The following ARHGEF3 variants were observed in gnomAD, a reference collection of about 807,000 sequenced individuals.
ARHGEF3 encodes Rho guanine nucleotide exchange factor 3, also known as 59.8 kDA protein.
A neutral mutation model predicts 63.2 loss-of-function variants in ARHGEF3; 28 were observed. The observed-to-expected ratio is 0.44, with a 90% CI of 0.33 to 0.61. ARHGEF3 has a LOEUF of 0.61. Ranked by LOEUF, ARHGEF3 falls within the 20% of genes least tolerant of loss-of-function variation. The probability of loss-of-function intolerance (pLI) is 0.03; values close to 1 mark genes in which losing one functional copy is unlikely to be tolerated. For synonymous variants in ARHGEF3, 266 were observed against 254.2 expected, an observed-to-expected ratio of 1.05 and a Z score of -0.44; for missense variants, 533 against 659.3, an observed-to-expected ratio of 0.81 and a Z score of 2.10.
chr3:57,032,334 C>G lies in ARHGEF3; in HGVS notation c.62+2754G>C, dbSNP rs548329024. ...AAGCCATCACTTTCAACTCTGCTCT[C>G]CCCTGGAAATACCACAGATTCTGAA... On this transcript the variant is annotated intron_variant, in intron 2 of 12. Coordinates refer to the ARHGEF3 transcript ENST00000338458. Among the ~76,000 whole-genome samples the G allele has an allele frequency of 3.3e-5, 5 of 152,322 alleles. No individual in the cohort carries two copies. The East Asian group carries it at 9.6e-4, about 29-fold the overall frequency.
intron 2 of ARHGEF3, among the ~76,000 whole-genome samples, chr3:57,006,676 G>C (rs561319060): frequency 6.6e-6 from 1 of 152,126 alleles, no homozygotes; most frequent in African/African-American, 2.4e-5. Flanking sequence ...GAAAATGCTC[G>C]TGTATCAGTG....
chr3:56,766,271 A>G (rs2035697627), intron 2 of ARHGEF3, among the ~76,000 whole-genome samples: 1 of 152,218 alleles, frequency 6.6e-6, no homozygotes, highest in African/African-American at 2.4e-5. Flanking sequence ...CTAATTTATC[A>G]TATGTTCATG....
At chr3:56,770,864 C>T (rs1304476893) in intron 2 of ARHGEF3, among the ~76,000 whole-genome samples, 1 of 152,036 alleles carries the variant, frequency 6.6e-6, no homozygotes, top group Non-Finnish European at 1.5e-5. Flanking sequence ...ACTTATTTTG[C>T]ACTTTGGGAG....
At chr3:56,744,344 C>T (rs981173895) in intron 7 of ARHGEF3, among the ~76,000 whole-genome samples, 1 of 151,832 alleles carries the variant, frequency 6.6e-6, no homozygotes, top group African/African-American at 2.4e-5. Flanking sequence ...TCTTCTATTG[C>T]TGCTAGGGAA....
intron 2 of ARHGEF3, among the ~76,000 whole-genome samples, chr3:56,967,924 T>A (rs1700655310): frequency 1.4e-5 from 1 of 71,364 alleles, no homozygotes; most frequent in South Asian, 4.3e-4. Flanking sequence ...TAATATATTA[T>A]ATATAATATA....
chr3:56,802,536 AT>A (rs1302094203), upstream of ARHGEF3, among the ~76,000 whole-genome samples: 1 of 152,130 alleles, frequency 6.6e-6, no homozygotes, highest in East Asian at 1.9e-4. Context: ...AAACACCCGT[AT>A]AACCACCTCC....
At chr3:56,945,439 G>A (rs575800313) in intron 3 of ARHGEF3, among the ~76,000 whole-genome samples, 37 of 152,292 alleles carry the variant, frequency 2.4e-4, no homozygotes, top group African/African-American at 7.2e-4. Context: ...CTTTTCCAAC[G>A]GTCTTAGCAA....
chr3:56,777,837 T>C (rs1174338458), intron 1 of ARHGEF3, among the ~76,000 whole-genome samples: 2 of 152,144 alleles, frequency 1.3e-5, no homozygotes, highest in Admixed American at 1.3e-4. Flanking sequence ...GGCTGCTGCA[T>C]TGCAGGGCAG....
chr3:56,885,514 G>C (rs1237933836), intron 3 of ARHGEF3, among the ~76,000 whole-genome samples: 1 of 152,072 alleles, frequency 6.6e-6, no homozygotes, highest in East Asian at 1.9e-4. Context: ...TTGTCAACCT[G>C]ACATGTTGAC....
chr3:56,950,994 C>A (rs1308319014), intron 3 of ARHGEF3, among the ~76,000 whole-genome samples: 1 of 151,876 alleles, frequency 6.6e-6, no homozygotes, highest in Non-Finnish European at 1.5e-5. Flanking sequence ...ATGGATGAAG[C>A]TGGAAACCAT....
intron 6 of ARHGEF3, among the ~76,000 whole-genome samples, chr3:56,750,491 G>A (rs1395309898): frequency 6.6e-5 from 10 of 152,104 alleles, no homozygotes; most frequent in Non-Finnish European, 1.3e-4. Context: ...TGGTATATAT[G>A]CTAAACATTA....
chr3:56,959,711 C>T (rs1700196638), intron 2 of ARHGEF3, among the ~76,000 whole-genome samples: 1 of 152,170 alleles, frequency 6.6e-6, no homozygotes, highest in Non-Finnish European at 1.5e-5. Context: ...GGTGCGGTGG[C>T]TCACGTCTGT....
At chr3:57,073,650 C>G (rs768586626) in intron 1 of ARHGEF3, 3 of 1,571,850 alleles carry the variant, frequency 1.9e-6, no homozygotes. Context: ...CGGCCAAGTG[C>G]CCCAGCCTCC....
chr3:56,900,077 T>C (rs1385358591), intron 3 of ARHGEF3, among the ~76,000 whole-genome samples: 15 of 152,078 alleles, frequency 9.9e-5, no homozygotes, highest in Non-Finnish European at 1.8e-4. Context: ...GAACGGGAAG[T>C]GAAGGCTGAT....
At chr3:56,864,934 C>T (rs549781640) in intron 4 of ARHGEF3, among the ~76,000 whole-genome samples, 2 of 152,214 alleles carry the variant, frequency 1.3e-5, no homozygotes, top group South Asian at 4.2e-4. Flanking sequence ...AACATAAGCC[C>T]CCAAACTAAA....
chr3:56,986,231 T>G (rs900104872), intron 2 of ARHGEF3, among the ~76,000 whole-genome samples: 2 of 151,950 alleles, frequency 1.3e-5, no homozygotes, highest in African/African-American at 2.4e-5. Flanking sequence ...GTGGACAGAT[T>G]TGGGGTTTAT....
At chr3:57,009,672 A>G (rs1227931075) in intron 2 of ARHGEF3, among the ~76,000 whole-genome samples, 1 of 152,162 alleles carries the variant, frequency 6.6e-6, no homozygotes, top group African/African-American at 2.4e-5. Flanking sequence ...CTCCCAGCAC[A>G]CCCAGTGTGT....
chr3:56,921,742 G>GGA (rs2108367566), intron 3 of ARHGEF3, among the ~76,000 whole-genome samples: 1 of 152,300 alleles, frequency 6.6e-6, no homozygotes, highest in Non-Finnish European at 1.5e-5. Context: ...TGATGCTCTT[G>GGA]GAGAGCCCTG....
intron 1 of ARHGEF3, among the ~76,000 whole-genome samples, chr3:57,050,336 G>A (rs1704620244): frequency 6.6e-6 from 1 of 152,198 alleles, no homozygotes; most frequent in Non-Finnish European, 1.5e-5. Flanking sequence ...CCTAAATGCT[G>A]TTCTTCTCAC....
Sources: gnomAD v4.1 joint callset for allele counts (sites outside exome capture counted in the v4.1 genomes callset) on GRCh38, gnomAD v4.1.1 for gene constraint, MANE v1.5 for transcripts, NCBI Gene and HGNC (gene_info 2026-07-23, HGNC 2026-07-21) for gene names.